Variants in TBX4 observed in about 807,000 individuals in gnomAD.
TBX4 encodes the protein T-box transcription factor 4, also known as T-box transcription factor TBX4.
A neutral mutation model predicts 54.6 loss-of-function variants in TBX4; 13 were observed. The ratio of observed to expected loss-of-function variants is 0.24; its 90% CI spans 0.15 to 0.38. The LOEUF is 0.38. TBX4 is among the 10% of genes least tolerant of loss of function. The probability of loss-of-function intolerance (pLI) is 1.00; values close to 1 mark genes in which losing one functional copy is unlikely to be tolerated. For missense variants in TBX4, 631 were observed against 728.5 expected, an observed-to-expected ratio of 0.87 and a Z score of 1.54; for synonymous variants, 314 against 306.7, an observed-to-expected ratio of 1.02 and a Z score of -0.25.
At position 61,472,319 on chromosome 17, in the gene TBX4, G is replaced by A. The variant is rs2060586275; in HGVS notation, c.549+4662G>A. 6.6e-6 allele frequency among the ~76,000 whole-genome samples: 1 copy of A among 152,206 alleles called. No homozygotes were observed. Among genetic ancestry groups the A allele is most frequent in the South Asian group, 2.1e-4 (1 of 4,836 alleles). ...TGGCCTTACCAATAAGGGCGGGAGA[G>A]CAAACTTGTGGATTTTTGTCAGTTT... is the stretch of plus-strand genomic sequence containing the variant. On this transcript the variant is annotated intron_variant, in intron 5 of 8. Coordinates refer to ENST00000644296, the MANE Select transcript of TBX4 (RefSeq NM_001321120.2). This position sits in a 1 kb window ranked among gnomAD's most constrained non-coding sequence, Gnocchi z 4.5.
In TBX4 at chr17:61,482,797, G is replaced by A. The variant is rs1182862918; in HGVS notation, c.1022-100G>A. On this transcript the variant is annotated intron_variant, in intron 8 of 8. Coordinates refer to ENST00000644296, the MANE Select transcript of TBX4 (RefSeq NM_001321120.2). ...TGCCATGGCAACATGGGGAGGGCGG[G>A]CGCAGAGGGACAAGGACAGGCTGTC... 1.9e-6 allele frequency: 3 copies of A among 1,549,432 alleles called. No homozygotes were observed. In the African/African-American group the frequency reaches 4.1e-5, roughly 21 times the overall value.
At chr17:61,458,161 C>T (rs554779045) in intron 3 of TBX4, among the ~76,000 whole-genome samples, 8 of 151,482 alleles carry the variant, frequency 5.3e-5, no homozygotes, top group African/African-American at 1.7e-4. Context: ...CGTTGGGCTC[C>T]GTGTGTGTTG....
Position 61,475,088 on chromosome 17 carries a change from G to T in TBX4, c.550-3539G>T, listed in dbSNP as rs8079753. ...CCTTCTTGACTTCTCTATGACCGGG[G>T]TTACCCTCACCTAGTGGCTCCCACC... On this transcript the variant is annotated intron_variant, in intron 5 of 8. Coordinates refer to ENST00000644296, the MANE Select transcript of TBX4 (RefSeq NM_001321120.2). This position sits in a 1 kb window ranked among gnomAD's most constrained non-coding sequence, Gnocchi z 5.0. 6.6e-6 allele frequency among the ~76,000 whole-genome samples: 1 copy of T among 152,118 alleles called. No homozygotes were observed. Among genetic ancestry groups the T allele is most frequent in the East Asian group, 1.9e-4 (1 of 5,194 alleles).
At chr17:61,454,669 C>G (rs1012082207) in intron 1 of TBX4, among the ~76,000 whole-genome samples, 1 of 152,230 alleles carries the variant, frequency 6.6e-6, no homozygotes, top group Non-Finnish European at 1.5e-5. Flanking sequence ...GTCCCCAGTC[C>G]GAGCTGCGGG....
chr17:61,456,132 G>A (rs910492208), intron 1 of TBX4, among the ~76,000 whole-genome samples: 1 of 152,182 alleles, frequency 6.6e-6, no homozygotes, highest in African/African-American at 2.4e-5. Flanking sequence ...CAGCCGAGAA[G>A]GCCCAGGCCT....
chr17:61,482,277 C>G (rs1037196108), intron 8 of TBX4, among the ~76,000 whole-genome samples: 1 of 152,208 alleles, frequency 6.6e-6, no homozygotes, highest in East Asian at 1.9e-4. Flanking sequence ...ACCTTTTTCA[C>G]TTATTATCAG....
rs9911414 is a variant in TBX4 at position 61,464,200 on chromosome 17, G to A, written c.282-1619G>A. On this transcript the variant is annotated intron_variant, in intron 3 of 8. Coordinates refer to ENST00000644296, the MANE Select transcript of TBX4 (RefSeq NM_001321120.2). This position sits in a 1 kb window ranked among gnomAD's most constrained non-coding sequence, Gnocchi z 5.8. ...GCGCACTTGCACACCGCTCACATGC[G>A]CCTGGGCACACACACCCCACATCCC... The A allele has an allele frequency of 0.037, 5,605 of 152,458 alleles. 323 individuals carry two copies. The highest frequency in any genetic ancestry group is 0.13 in the African/African-American group (5,309 of 41,558). The allele number at this position is 152,458 out of a possible 1,614,324, so 9.4% of individuals were successfully genotyped here. A position where few individuals can be genotyped will look rare whatever the true frequency, so the allele number is the denominator to read the frequency against.
Position 61,478,933 on chromosome 17 carries a change from G to C in TBX4, c.702+154G>C. ...CAGAAGCCTAGAGTCCCTCGGAGCC[G>C]CGAGCAAATCGAATGATGAACAGAA... On this transcript the variant is annotated intron_variant, in intron 6 of 8. Transcript: ENST00000644296. The surrounding 1 kb of genome is among the most constrained non-coding windows in gnomAD (Gnocchi z 7.4). 8.7e-7 allele frequency: 1 copy of C among 1,152,312 alleles called. No homozygotes were observed. The highest frequency in any genetic ancestry group is 1.3e-6 in the Non-Finnish European group (1 of 784,798). The allele number at this position is 1,152,312 out of a possible 1,614,324, so 71.4% of individuals were successfully genotyped here.
intron 1 of TBX4, among the ~76,000 whole-genome samples, chr17:61,455,689 G>A (rs1381468473): frequency 6.6e-6 from 1 of 152,218 alleles, no homozygotes; most frequent in Non-Finnish European, 1.5e-5. Flanking sequence ...GCCCTGTGGC[G>A]CTAAAGTGTG....
At position 61,483,651 on chromosome 17, in the gene TBX4, T is replaced by TGTGTACACGAGCATGTATGTATTTGGAGA; in HGVS notation, c.*137_*138insGTACACGAGCATGTATGTATTTGGAGAGT. On this transcript the variant is annotated 3_prime_UTR_variant, in exon 9 of 9. Transcript: ENST00000644296. The surrounding 1 kb of genome is among the most constrained non-coding windows in gnomAD (Gnocchi z 6.6). ...GTGTGTGTGTGTGTGTGTGTGTGTG[T>TGTGTACACGAGCATGTATGTATTTGGAGA]GTATACACGAGCATGTATGTATTTG... 2 of 1,130,566 alleles carry TGTGTACACGAGCATGTATGTATTTGGAGA rather than the reference T, an allele frequency of 1.8e-6. No individual in the cohort carries two copies. The highest frequency in any genetic ancestry group is 2.6e-6 in the Non-Finnish European group (2 of 765,390). 70.0% of individuals were successfully genotyped at this position (1,130,566 alleles called of 1,614,324 possible).
chr17:61,453,951 T>G (rs2060430293), intron 1 of TBX4, among the ~76,000 whole-genome samples: 1 of 152,208 alleles, frequency 6.6e-6, no homozygotes, highest in Non-Finnish European at 1.5e-5. Context: ...GGAAACGTAT[T>G]AGGGATACAA....
In TBX4 at chr17:61,465,225, C is replaced by T. The variant is rs376427928; in HGVS notation, c.282-594C>T. On this transcript the variant is annotated intron_variant, in intron 3 of 8. Transcript: ENST00000644296. This position sits in a 1 kb window ranked among gnomAD's most constrained non-coding sequence, Gnocchi z 4.9. ...CACAGGGAGAAGTACCCCCGATAGA[C>T]ACACTGGAAGAACCCAAACCTAGCA... Among the ~76,000 whole-genome samples the T allele has an allele frequency of 1.3e-3, 192 of 152,278 alleles. 1 individual carries two copies. Among genetic ancestry groups the T allele is most frequent in the African/African-American group, 4.4e-3 (184 of 41,544 alleles).
intron 5 of TBX4, among the ~76,000 whole-genome samples, chr17:61,468,355 T>A (rs946435802): frequency 6.6e-6 from 1 of 152,228 alleles, no homozygotes; most frequent in Non-Finnish European, 1.5e-5. Context: ...TATGTGGAAA[T>A]TTTTAGCTCA....
At chr17:61,458,757 G>A (rs2060472900) in intron 3 of TBX4, among the ~76,000 whole-genome samples, 1 of 152,234 alleles carries the variant, frequency 6.6e-6, no homozygotes, top group South Asian at 2.1e-4. Context: ...CACACAAGAA[G>A]TGCTAGCGAA....
At chr17:61,453,791 A>G (rs541464001) in intron 1 of TBX4, among the ~76,000 whole-genome samples, 4 of 152,360 alleles carry the variant, frequency 2.6e-5, no homozygotes, top group Admixed American at 6.5e-5. Flanking sequence ...CAAGCCTAAC[A>G]AAACAAATTG....
chr17:61,478,708 A>G lies in TBX4; in HGVS notation c.631A>G (p.Asn211Asp), dbSNP rs766896121. 6.2e-7 allele frequency: 1 copy of G among 1,614,112 alleles called. No homozygotes were observed. Among genetic ancestry groups the G allele is most frequent in the Non-Finnish European group, 8.5e-7 (1 of 1,180,030 alleles). ...TGAGAACAATGCTTTCGGCTCCAAA[A>G]ACACTGCTTTCTGCACCCACGTGTT... ...ADENNAFGSK[N>D]TAFCTHVFPE... Residue 211 changes from asparagine to aspartate, a missense_variant, in exon 6 of 9, where the codon AAC (asparagine) becomes GAC (aspartate). Physicochemically the swap from Asn to Asp is conservative, Grantham distance 23 (BLOSUM62 1). Transcript: ENST00000644296. The surrounding 1 kb of genome is among the most constrained non-coding windows in gnomAD (Gnocchi z 7.4).
intron 1 of TBX4, among the ~76,000 whole-genome samples, chr17:61,455,550 G>A (rs953414737): frequency 1.3e-5 from 2 of 152,264 alleles, no homozygotes; most frequent in Admixed American, 6.5e-5. Context: ...GAGTAGGCGA[G>A]GGAATCAGCC....
rs115010114 is a variant in TBX4 at position 61,477,117 on chromosome 17, C to T, written c.550-1510C>T. Among the ~76,000 whole-genome samples, 353 of 152,304 alleles carry T rather than the reference C, an allele frequency of 2.3e-3. 1 individual carries two copies. The highest frequency in any genetic ancestry group is 7.7e-3 in the African/African-American group (320 of 41,562). ...CCCAAGGAAAGGGCACTGCCAGCTA[C>T]GGAGAGGGGAGCTCAGAGGGGAAGG... On this transcript the variant is annotated intron_variant, in intron 5 of 8. Coordinates refer to ENST00000644296, the MANE Select transcript of TBX4 (RefSeq NM_001321120.2).
At chr17:61,454,875 A>G (rs2060435600) in intron 1 of TBX4, among the ~76,000 whole-genome samples, 1 of 152,208 alleles carries the variant, frequency 6.6e-6, no homozygotes, top group Non-Finnish European at 1.5e-5. Context: ...AGGCCGCCAC[A>G]TCTGGGACCA....
Sources: gnomAD v4.1 joint callset for allele counts (sites outside exome capture counted in the v4.1 genomes callset) on GRCh38, gnomAD v4.1.1 for gene constraint, Gnocchi (gnomAD v3.1) non-coding constraint, MANE v1.5 for transcripts, NCBI Gene and HGNC (gene_info 2026-07-23, HGNC 2026-07-21) for gene names.